The following SYNPO2 variants were observed in gnomAD, a reference collection of about 807,000 sequenced individuals.
SYNPO2 encodes the protein synaptopodin-2.
A neutral mutation model predicts 85.0 loss-of-function variants in SYNPO2; 56 were observed. The ratio of observed to expected loss-of-function variants is 0.66; its 90% CI spans 0.53 to 0.82. The LOEUF (loss-of-function observed/expected upper bound fraction) is 0.82. SYNPO2 is among the 40% of genes least tolerant of loss of function. The pLI, the probability that SYNPO2 is intolerant of heterozygous loss-of-function variation, is 0.00. For synonymous variants in SYNPO2, 602 were observed against 591.1 expected, an observed-to-expected ratio of 1.02 and a Z score of -0.27; for missense variants, 1,575 against 1,534.2, an observed-to-expected ratio of 1.03 and a Z score of -0.44.
At chr4:118,861,875 G>A (rs1242921867) in intron 1 of SYNPO2, among the ~76,000 whole-genome samples, 1 of 151,872 alleles carries the variant, frequency 6.6e-6, no homozygotes, top group Non-Finnish European at 1.5e-5. Context: ...CTATTTCTGT[G>A]GAAAATGTTA....
chr4:118,995,126 C>T (rs1459766111), intron 1 of SYNPO2, among the ~76,000 whole-genome samples: 1 of 152,112 alleles, frequency 6.6e-6, no homozygotes, highest in East Asian at 1.9e-4. Context: ...GTGCCATGAA[C>T]ACTCACCAGT....
At chr4:118,944,248 T>C (rs1326811559) in intron 1 of SYNPO2, among the ~76,000 whole-genome samples, 2 of 152,128 alleles carry the variant, frequency 1.3e-5, no homozygotes, top group African/African-American at 2.4e-5. Context: ...AAAATAATGC[T>C]ACCAGTCTAC....
chr4:118,941,859 G>A (rs554351486), intron 1 of SYNPO2, among the ~76,000 whole-genome samples: 4 of 152,318 alleles, frequency 2.6e-5, no homozygotes, highest in East Asian at 1.9e-4. Flanking sequence ...AGAGGCCACC[G>A]CCTTTACTGT....
At chr4:118,880,928 A>G (rs946128954) in intron 1 of SYNPO2, among the ~76,000 whole-genome samples, 9 of 152,148 alleles carry the variant, frequency 5.9e-5, no homozygotes, top group African/African-American at 2.2e-4. Flanking sequence ...TGTGTTTGTG[A>G]AAGGATCTTT....
chr4:119,053,605 C>T (rs138729758), intron 4 of SYNPO2, among the ~76,000 whole-genome samples: 1 of 152,270 alleles, frequency 6.6e-6, no homozygotes, highest in East Asian at 1.9e-4. Context: ...TCTTTCAATA[C>T]CATACCTCAA....
chr4:119,031,757 C>T lies in SYNPO2; in HGVS notation c.2982C>T (p.Val994=), dbSNP rs769857081. ...AKDGLPQKSS[V]KVNSALAMKQ... Reference sequence around the variant, plus strand: ...ATGGCCTCCCCCAGAAGTCATCAGTCAAGGTCAATTCAGCCCTGGCCATGA... The same window carrying T: ...ATGGCCTCCCCCAGAAGTCATCAGTTAAGGTCAATTCAGCCCTGGCCATGA... The change falls in exon 4 of 5, where the codon GTC becomes GTT. Residue 994 remains valine, a synonymous_variant. Coordinates refer to ENST00000307142, the MANE Select transcript of SYNPO2 (RefSeq NM_133477.3). The T allele has an allele frequency of 3.1e-6, 5 of 1,614,226 alleles. No homozygotes were observed. The South Asian group carries it at 5.5e-5, about 18-fold the overall frequency.
At chr4:118,870,226 A>T (rs1731777779) in intron 1 of SYNPO2, among the ~76,000 whole-genome samples, 1 of 152,228 alleles carries the variant, frequency 6.6e-6, no homozygotes, top group South Asian at 2.1e-4. Context: ...AGCCTGCTGC[A>T]CTAGCCCACA....
intron 1 of SYNPO2, among the ~76,000 whole-genome samples, chr4:118,877,594 A>T (rs1249757243): frequency 6.6e-6 from 1 of 152,238 alleles, no homozygotes; most frequent in Non-Finnish European, 1.5e-5. Context: ...GCCAACAAGC[A>T]TATGAAAAGA....
At chr4:118,850,708 T>C (rs1731405610) in exon 1 of SYNPO2, 1 of 398,552 alleles carries the variant, frequency 2.5e-6, no homozygotes. Flanking sequence ...TTCAAAATAT[T>C]CAGAACATGT....
chr4:118,915,030 A>G (rs1279145330), intron 1 of SYNPO2, among the ~76,000 whole-genome samples: 1 of 151,544 alleles, frequency 6.6e-6, no homozygotes, highest in African/African-American at 2.4e-5. Context: ...AAACAGAAAA[A>G]TCAATGAATA....
chr4:119,059,475 C>T lies in SYNPO2; in HGVS notation c.*1541C>T, dbSNP rs1739335602. The stretch of plus-strand genomic sequence containing the variant: ...ATCAAATAATCAGATCAAACACCTG[C>T]TCCTTATTGCCATACCCACGAACTG... On this transcript the variant is annotated 3_prime_UTR_variant, in exon 5 of 5. Coordinates refer to ENST00000307142, the MANE Select transcript of SYNPO2 (RefSeq NM_133477.3). 6.6e-6 allele frequency: 1 copy of T among 152,146 alleles called. No individual in the cohort carries two copies. Among genetic ancestry groups the T allele is most frequent in the South Asian group, 2.1e-4 (1 of 4,828 alleles). The allele number at this position is 152,146 out of a possible 1,614,324, so 9.4% of individuals were successfully genotyped here. A position where few individuals can be genotyped will look rare whatever the true frequency, so the allele number is the denominator to read the frequency against.
rs547304614 is a variant in SYNPO2 at position 118,924,812 on chromosome 4, C to A, written c.105+35671C>A. 3.9e-5 allele frequency among the ~76,000 whole-genome samples: 6 copies of A among 152,278 alleles called. No individual in the cohort carries two copies. The East Asian group carries it at 1.2e-3, about 29-fold the overall frequency. On this transcript the variant is annotated intron_variant, in intron 1 of 4. Coordinates refer to ENST00000307142, the MANE Select transcript of SYNPO2 (RefSeq NM_133477.3). Reference sequence around the variant, plus strand: ...TTTTAAAGGAAGATTTTTCTTTAGGCCACTCTATAGGCAATGAAGCAACTC... The same window carrying A: ...TTTTAAAGGAAGATTTTTCTTTAGGACACTCTATAGGCAATGAAGCAACTC...
At position 119,041,192 on chromosome 4, in the gene SYNPO2, A is replaced by G. The variant is rs1162459304; in HGVS notation, c.3252+9165A>G. 5.9e-5 allele frequency among the ~76,000 whole-genome samples: 9 copies of G among 152,214 alleles called. No individual in the cohort carries two copies. The South Asian group carries it at 1.4e-3, about 24-fold the overall frequency. On this transcript the variant is annotated intron_variant, in intron 4 of 4. Transcript: ENST00000307142. ...AACAAGCTGAGATTCTGAAAATGTT[A>G]TCTGAATCCAGAATAGCTTTTGTTT...
intron 1 of SYNPO2, among the ~76,000 whole-genome samples, chr4:118,961,105 C>CCCT (rs1553941458): frequency 3.4e-5 from 4 of 117,896 alleles, no homozygotes; most frequent in African/African-American, 9.8e-5. Flanking sequence ...TACCGCCCCC[C>CCCT]CCCCACCCCT....
chr4:118,879,579 T>G (rs1340872559), intron 1 of SYNPO2, among the ~76,000 whole-genome samples: 2 of 152,164 alleles, frequency 1.3e-5, no homozygotes, highest in African/African-American at 2.4e-5. Context: ...TAGCAGCCCT[T>G]TGATCTTAGA....
intron 1 of SYNPO2, among the ~76,000 whole-genome samples, chr4:119,005,399 T>G (rs952859605): frequency 2.0e-5 from 3 of 151,904 alleles, no homozygotes; most frequent in African/African-American, 4.8e-5. Context: ...TGAATTAATT[T>G]TTGTTTAAGG....
At chr4:118,967,600 T>C (rs1735362784) in intron 1 of SYNPO2, among the ~76,000 whole-genome samples, 1 of 152,228 alleles carries the variant, frequency 6.6e-6, no homozygotes, top group Non-Finnish European at 1.5e-5. Flanking sequence ...GCCCCATTCA[T>C]GGTAATTTCC....
At chr4:118,909,000 G>T (rs1733043029) in intron 1 of SYNPO2, among the ~76,000 whole-genome samples, 1 of 152,180 alleles carries the variant, frequency 6.6e-6, no homozygotes, top group Admixed American at 6.5e-5. Flanking sequence ...TAGAGGAATG[G>T]CCATCTTCTG....
At chr4:118,977,146 G>T (rs12500572) in intron 1 of SYNPO2, among the ~76,000 whole-genome samples, 38,923 of 151,964 alleles carry the variant, frequency 0.26, 5,143 homozygotes, top group South Asian at 0.33. Flanking sequence ...GCCCATGGAG[G>T]GGGTGGGAGG....
Sources: gnomAD v4.1 joint callset for allele counts (sites outside exome capture counted in the v4.1 genomes callset) on GRCh38, gnomAD v4.1.1 for gene constraint, MANE v1.5 for transcripts, NCBI Gene and HGNC (gene_info 2026-07-23, HGNC 2026-07-21) for gene names.